DDC: variants seen among roughly 807,000 people sequenced by gnomAD.
DDC encodes the protein dopa decarboxylase, also known as aromatic-L-amino-acid decarboxylase.
Under a neutral mutation model 60.0 loss-of-function variants are expected in DDC, and 43 were observed. The observed-to-expected ratio is 0.72, with a 90% CI of 0.56 to 0.92. The LOEUF (loss-of-function observed/expected upper bound fraction) is 0.92. DDC is among the 40% of genes least tolerant of loss of function. DDC has a pLI of 0.00. For synonymous variants in DDC, 232 were observed against 234.6 expected (o/e 0.99, Z 0.10); for missense variants, 573 against 620.2 (o/e 0.92, Z 0.81).
At chr7:50,563,408 G>C (rs2045380337) in intron 1 of DDC, among the ~76,000 whole-genome samples, 1 of 151,992 alleles carries the variant, frequency 6.6e-6, no homozygotes, top group Non-Finnish European at 1.5e-5. Context: ...TTTTGTCTTT[G>C]AAATTTTCTA....
At chr7:50,558,437 G>T (rs1304022197) in intron 1 of DDC, among the ~76,000 whole-genome samples, 1 of 152,126 alleles carries the variant, frequency 6.6e-6, no homozygotes, top group African/African-American at 2.4e-5. Flanking sequence ...CTGGCCTGGG[G>T]CCTGGTGTTG....
chr7:50,458,890 A>T (rs1022015122), intron 14 of DDC, 47 bp from the exon 15 acceptor site: 1 of 150,848 alleles, frequency 6.6e-6, no homozygotes, highest in African/African-American at 2.5e-5. Context: ...ATTAAAAAAA[A>T]TAAAGAAGTC....
chr7:50,538,680 C>G (rs1340204786), intron 3 of DDC, among the ~76,000 whole-genome samples: 3 of 152,244 alleles, frequency 2.0e-5, no homozygotes, highest in South Asian at 2.1e-4. Flanking sequence ...GGCAACGCAG[C>G]CTGAGAGATA....
intron 12 of DDC, among the ~76,000 whole-genome samples, chr7:50,469,308 G>A (rs550681281): frequency 7.3e-5 from 11 of 150,704 alleles, no homozygotes; most frequent in Admixed American, 1.3e-4. Context: ...GCTGATAAGT[G>A]GTTCTCAAAT....
chr7:50,536,362 T>C (rs550261460), intron 4 of DDC, among the ~76,000 whole-genome samples: 3 of 152,210 alleles, frequency 2.0e-5, no homozygotes, highest in African/African-American at 2.4e-5. Flanking sequence ...CCCAACCACC[T>C]TGGGCACATG....
At chr7:50,533,299 T>TC (rs2044279887) in intron 4 of DDC, among the ~76,000 whole-genome samples, 1 of 143,862 alleles carries the variant, frequency 7.0e-6, no homozygotes, top group African/African-American at 2.6e-5. Context: ...AAAGGGGACT[T>TC]TTTTTTTTTT....
chr7:50,487,924 A>G (rs1317104737), intron 9 of DDC, among the ~76,000 whole-genome samples: 16 of 152,156 alleles, frequency 1.1e-4, no homozygotes, highest in Admixed American at 1.0e-3. Flanking sequence ...ATGCAGCCCA[A>G]AAGAGAATTA....
intron 1 of DDC, among the ~76,000 whole-genome samples, chr7:50,549,423 C>T (rs947606786): frequency 3.9e-5 from 6 of 152,040 alleles, no homozygotes; most frequent in Non-Finnish European, 2.9e-5. Context: ...GAGGCCAAGG[C>T]GGGTGGATCA....
chr7:50,461,248 A>G (rs975515167), intron 14 of DDC, among the ~76,000 whole-genome samples: 1 of 152,204 alleles, frequency 6.6e-6, no homozygotes, highest in African/African-American at 2.4e-5. Flanking sequence ...ATTAGTGTCA[A>G]CTAGAATCTC....
At chr7:50,513,599 C>A (rs1462347315) in intron 6 of DDC, among the ~76,000 whole-genome samples, 1 of 152,134 alleles carries the variant, frequency 6.6e-6, no homozygotes, top group Non-Finnish European at 1.5e-5. Flanking sequence ...GCCCCTCTCG[C>A]CCATGCCCAG....
chr7:50,464,893 A>C (rs1180896748), intron 13 of DDC, among the ~76,000 whole-genome samples: 2 of 152,234 alleles, frequency 1.3e-5, no homozygotes, highest in African/African-American at 4.8e-5. Context: ...AAGATGGCAG[A>C]TATGGAGGCA....
chr7:50,508,095 G>C (rs2043449347), intron 6 of DDC, among the ~76,000 whole-genome samples: 1 of 152,216 alleles, frequency 6.6e-6, no homozygotes, highest in African/African-American at 2.4e-5. Context: ...CATGCCAGAG[G>C]CCCCTCCAAC....
intron 1 of DDC, among the ~76,000 whole-genome samples, chr7:50,546,885 G>A (rs1047068415): frequency 6.6e-6 from 1 of 152,230 alleles, no homozygotes; most frequent in Non-Finnish European, 1.5e-5. Context: ...CTGAAGTTCT[G>A]TTGCACCTTT....
intron 4 of DDC, chr7:50,531,949 C>T (rs2153546703): frequency 6.6e-6 from 1 of 152,330 alleles, no homozygotes; most frequent in South Asian, 2.1e-4. Flanking sequence ...AATGTCCTTT[C>T]ATCTTCAGTT....
chr7:50,508,139 C>G (rs985027338), intron 6 of DDC, among the ~76,000 whole-genome samples: 1 of 152,196 alleles, frequency 6.6e-6, no homozygotes, highest in African/African-American at 2.4e-5. Context: ...AAGGAGGAGG[C>G]CTGGGGGCTG....
chr7:50,497,773 G>T (rs762978689), intron 8 of DDC, among the ~76,000 whole-genome samples: 1 of 152,144 alleles, frequency 6.6e-6, no homozygotes, highest in Non-Finnish European at 1.5e-5. Flanking sequence ...TAAGTCCTAG[G>T]TTGTATTAAG....
chr7:50,490,974 T>TA (rs1218739783), intron 9 of DDC, among the ~76,000 whole-genome samples: 4 of 152,346 alleles, frequency 2.6e-5, no homozygotes, highest in Non-Finnish European at 4.4e-5. Flanking sequence ...CATCTGTAAT[T>TA]AGAGTCTAGC....
At chr7:50,481,179 A>T (rs1353542600) in intron 9 of DDC, among the ~76,000 whole-genome samples, 1 of 152,224 alleles carries the variant, frequency 6.6e-6, no homozygotes, top group Non-Finnish European at 1.5e-5. Flanking sequence ...GAGAGGCTGG[A>T]TTTATCTATA....
At position 50,470,077 on chromosome 7, in the gene DDC, C is replaced by G; in HGVS notation, c.1136G>C (p.Arg379Pro). ...AAATAATAAAAACAAAGTCACCTTG[C>G]GGATATAAGCCTGCAGTCCTTTGAC... Reference protein sequence around the residue: ...YGVKGLQAYIRKHVQLSHEFE... With the variant: ...YGVKGLQAYIPKHVQLSHEFE... The change falls in exon 12 of 15, where the codon CGC becomes CCC. Residue 379 changes from arginine to proline, a missense_variant. Coordinates refer to ENST00000444124, the MANE Select transcript of DDC (RefSeq NM_001082971.2). The G allele has an allele frequency of 6.3e-7, 1 of 1,598,614 alleles. No individual in the cohort carries two copies.
Sources: gnomAD v4.1 joint callset for allele counts (sites outside exome capture counted in the v4.1 genomes callset) on GRCh38, gnomAD v4.1.1 for gene constraint, MANE v1.5 for transcripts, NCBI Gene and HGNC (gene_info 2026-07-23, HGNC 2026-07-21) for gene names.